SLC39A10: variants seen among roughly 807,000 people sequenced by gnomAD.
SLC39A10 encodes zinc transporter ZIP10.
A neutral mutation model predicts 65.1 loss-of-function variants in SLC39A10; 13 were observed. The observed-to-expected ratio is 0.20, with a 90% CI of 0.13 to 0.32. SLC39A10 has a LOEUF of 0.32. SLC39A10 is among the 10% of genes least tolerant of loss of function. SLC39A10 has a pLI of 1.00. For missense variants in SLC39A10, 831 were observed against 1,018.4 expected (o/e 0.82, Z 2.50); for synonymous variants, 321 against 342.2 (o/e 0.94, Z 0.68).
chr2:195,658,221 A>C (rs748052024), intron 1 of SLC39A10: 4 of 152,472 alleles, frequency 2.6e-5, no homozygotes, highest in African/African-American at 7.2e-5. Context: ...CGCGAGCAAC[A>C]TGACGTTCAA....
At chr2:195,697,305 A>G (rs1691003406) in intron 3 of SLC39A10, among the ~76,000 whole-genome samples, 2 of 152,192 alleles carry the variant, frequency 1.3e-5, no homozygotes, top group Non-Finnish European at 2.9e-5. Flanking sequence ...GGGGGGTACT[A>G]GAACTAATTT....
In SLC39A10 at chr2:195,735,209, C is replaced by G. The variant is rs1231440581; in HGVS notation, c.*168C>G. 9.2e-6 allele frequency: 5 copies of G among 543,330 alleles called. No individual in the cohort carries two copies. Among genetic ancestry groups the G allele is most frequent in the Non-Finnish European group, 1.2e-5 (4 of 330,454 alleles). 33.7% of individuals were successfully genotyped at this position (543,330 alleles called of 1,614,324 possible). A position where few individuals can be genotyped will look rare whatever the true frequency, so the allele number is the denominator to read the frequency against. Reference sequence around the variant, plus strand: ...AGGCTGGTGCTTAGTACTGTTTTCCCTGCACGTAGGGGTCTTTTAAAAATA... The same window carrying G: ...AGGCTGGTGCTTAGTACTGTTTTCCGTGCACGTAGGGGTCTTTTAAAAATA... On this transcript the variant is annotated 3_prime_UTR_variant, in exon 10 of 10. Coordinates refer to ENST00000359634, the MANE Select transcript of SLC39A10 (RefSeq NM_020342.3).
chr2:195,692,508 T>C (rs1488542879), intron 3 of SLC39A10, among the ~76,000 whole-genome samples: 1 of 152,204 alleles, frequency 6.6e-6, no homozygotes, highest in Non-Finnish European at 1.5e-5. Context: ...GTTTGTGTCA[T>C]CTATGATGTC....
At position 195,735,209 on chromosome 2, in the gene SLC39A10, C is replaced by A. The variant is rs1231440581; in HGVS notation, c.*168C>A. On this transcript the variant is annotated 3_prime_UTR_variant, in exon 10 of 10. Transcript: ENST00000359634. ...AGGCTGGTGCTTAGTACTGTTTTCC[C>A]TGCACGTAGGGGTCTTTTAAAAATA... 3.7e-6 allele frequency: 2 copies of A among 543,330 alleles called. No homozygotes were observed. The highest frequency in any genetic ancestry group is 3.0e-6 in the Non-Finnish European group (1 of 330,454). 33.7% of individuals were successfully genotyped at this position (543,330 alleles called of 1,614,324 possible).
chr2:195,696,408 G>A (rs10194124), intron 3 of SLC39A10, among the ~76,000 whole-genome samples: 108,110 of 151,594 alleles, frequency 0.71, 38,632 homozygotes, highest in Non-Finnish European at 0.73. Context: ...CATCTTAGCA[G>A]TACAGTCCAC....
intron 3 of SLC39A10, among the ~76,000 whole-genome samples, chr2:195,695,069 A>C (rs529556615): frequency 5.9e-4 from 90 of 152,014 alleles, no homozygotes; most frequent in Admixed American, 7.2e-4. Flanking sequence ...GGCTTCTCCC[A>C]GCTGCAAACG....
intron 8 of SLC39A10, among the ~76,000 whole-genome samples, chr2:195,725,446 CT>C: frequency 6.6e-6 from 1 of 152,254 alleles, no homozygotes; most frequent in Admixed American, 6.5e-5. Context: ...AAATGTTTCA[CT>C]GAAGAAAGTA....
Position 195,735,065 on chromosome 2 carries a change from T to C in SLC39A10, c.*24T>C. The C allele has an allele frequency of 6.2e-7, 1 of 1,600,668 alleles. No homozygotes were observed. Among genetic ancestry groups the C allele is most frequent in the East Asian group, 2.2e-5 (1 of 44,672 alleles). ...GACCTTTCCCAGTAATCACTGTTGATTACGAGAATGTTACCATGCAGCTTT... is the reference window on the plus strand; with the variant it reads ...GACCTTTCCCAGTAATCACTGTTGACTACGAGAATGTTACCATGCAGCTTT... On this transcript the variant is annotated 3_prime_UTR_variant, in exon 10 of 10. Coordinates refer to ENST00000359634, the MANE Select transcript of SLC39A10 (RefSeq NM_020342.3).
chr2:195,614,544 A>C (rs1688166480), intron 2 of SLC39A10, among the ~76,000 whole-genome samples: 1 of 152,120 alleles, frequency 6.6e-6, no homozygotes, highest in African/African-American at 2.4e-5. Context: ...CACATACTAA[A>C]CTTTGACATA....
chr2:195,642,146 T>C (rs1183063475), intron 2 of SLC39A10, among the ~76,000 whole-genome samples: 2 of 152,144 alleles, frequency 1.3e-5, no homozygotes, highest in Non-Finnish European at 1.5e-5. Flanking sequence ...CTGATCAAAT[T>C]AGTGATGACT....
chr2:195,632,347 T>C (rs1688603689), intron 2 of SLC39A10, among the ~76,000 whole-genome samples: 2 of 133,766 alleles, frequency 1.5e-5, no homozygotes, highest in African/African-American at 2.8e-5. Context: ...TTGCCCAGGC[T>C]GGAGTGCTGT....
intron 2 of SLC39A10, among the ~76,000 whole-genome samples, chr2:195,645,947 C>G (rs892007229): frequency 1.6e-4 from 25 of 151,880 alleles, no homozygotes; most frequent in African/African-American, 5.3e-4. Flanking sequence ...ATCTTTTTTT[C>G]TTTGTTTGTT....
chr2:195,721,927 TG>T (rs770786042), intron 8 of SLC39A10, among the ~76,000 whole-genome samples: 3 of 152,210 alleles, frequency 2.0e-5, no homozygotes, highest in Non-Finnish European at 4.4e-5. Context: ...GAAAACAAGT[TG>T]GAGATTAAGG....
chr2:195,686,608 A>C, intron 3 of SLC39A10, among the ~76,000 whole-genome samples: 1 of 152,160 alleles, frequency 6.6e-6, no homozygotes, highest in East Asian at 1.9e-4. Context: ...TGTACTAAAC[A>C]TTTTTACAAG....
chr2:195,617,132 A>G (rs1688233397), intron 2 of SLC39A10, among the ~76,000 whole-genome samples: 1 of 152,238 alleles, frequency 6.6e-6, no homozygotes, highest in Non-Finnish European at 1.5e-5. Context: ...GCATTATAGG[A>G]CATTTACAGC....
At chr2:195,691,404 G>T (rs1007673803) in intron 3 of SLC39A10, among the ~76,000 whole-genome samples, 1 of 152,058 alleles carries the variant, frequency 6.6e-6, no homozygotes, top group African/African-American at 2.4e-5. Context: ...TGGATCAAAT[G>T]GTAGATCTAC....
At chr2:195,674,501 T>C (rs1204693650) in intron 1 of SLC39A10, 1 of 728,350 alleles carries the variant, frequency 1.4e-6, no homozygotes, top group Non-Finnish European at 1.7e-6. Flanking sequence ...GGTCTTGAAC[T>C]CCTGACCTCA....
chr2:195,638,844 T>G (rs575262194), intron 2 of SLC39A10, among the ~76,000 whole-genome samples: 3 of 152,314 alleles, frequency 2.0e-5, no homozygotes, highest in Admixed American at 2.0e-4. Flanking sequence ...CATTTTTCCA[T>G]CCTAGAATCA....
intron 8 of SLC39A10, among the ~76,000 whole-genome samples, chr2:195,725,930 T>C (rs1692219850): frequency 6.6e-6 from 1 of 152,194 alleles, no homozygotes. Flanking sequence ...AGCAGATTGT[T>C]GGTTGCCTAA....
Sources: allele counts gnomAD v4.1 joint callset (sites outside exome capture counted in the v4.1 genomes callset), GRCh38; gene constraint gnomAD v4.1.1; transcripts MANE v1.5; gene names NCBI Gene and HGNC (gene_info 2026-07-23, HGNC 2026-07-21).